Variants in RETREG1 observed in about 807,000 individuals in gnomAD.
RETREG1 encodes the protein family with sequence similarity 134 member B.
RETREG1 carries 44 observed loss-of-function variants against 54.8 expected under a neutral mutation model. The observed-to-expected ratio is 0.80, with a 90% confidence interval of 0.63 to 1.03. The LOEUF (loss-of-function observed/expected upper bound fraction) is 1.03. RETREG1 is among the 50% of genes least tolerant of loss of function. RETREG1 has a pLI of 0.00. For missense variants in RETREG1, 554 were observed against 605.1 expected (o/e 0.92, Z 0.89); for synonymous variants, 217 against 238.5 (o/e 0.91, Z 0.83).
At chr5:16,498,275 T>G (rs1222921660) in intron 3 of RETREG1, among the ~76,000 whole-genome samples, 1 of 152,234 alleles carries the variant, frequency 6.6e-6, no homozygotes, top group African/African-American at 2.4e-5. Flanking sequence ...GTACCGAGGC[T>G]ATAGGGTACA....
At chr5:16,586,287 G>T (rs1023809857) in intron 1 of RETREG1, among the ~76,000 whole-genome samples, 2 of 152,180 alleles carry the variant, frequency 1.3e-5, no homozygotes, top group Non-Finnish European at 2.9e-5. Context: ...CTTTGTGTCT[G>T]CCCAGTGGGA....
At chr5:16,611,146 C>T (rs2126376552) in intron 1 of RETREG1, among the ~76,000 whole-genome samples, 1 of 152,256 alleles carries the variant, frequency 6.6e-6, no homozygotes, top group Non-Finnish European at 1.5e-5. Flanking sequence ...AGGAAACTAT[C>T]ACAAGGACAA....
chr5:16,572,213 CTTTT>C (rs11338270), intron 1 of RETREG1, 111 bp from the exon 2 acceptor site: 644 of 560,914 alleles, frequency 1.1e-3, no homozygotes, highest in Middle Eastern at 1.9e-3. Flanking sequence ...AATGATTTCA[CTTTT>C]TTTTTTTTTT....
chr5:16,560,802 AC>A (rs1741833493), intron 3 of RETREG1, among the ~76,000 whole-genome samples: 1 of 152,246 alleles, frequency 6.6e-6, no homozygotes, highest in South Asian at 2.1e-4. Flanking sequence ...AAATATAAGC[AC>A]TATCTAGTGC....
At chr5:16,529,322 T>C (rs1223782937) in intron 3 of RETREG1, among the ~76,000 whole-genome samples, 1 of 152,212 alleles carries the variant, frequency 6.6e-6, no homozygotes, top group Non-Finnish European at 1.5e-5. Flanking sequence ...AAATAAGTTA[T>C]AGTTTATTTC....
intron 1 of RETREG1, among the ~76,000 whole-genome samples, chr5:16,606,926 C>A (rs1743205919): frequency 6.6e-6 from 1 of 152,136 alleles, no homozygotes; most frequent in South Asian, 2.1e-4. Context: ...GCTCACCCAG[C>A]CCCAGCCACA....
chr5:16,586,222 G>T (rs1184756506), intron 1 of RETREG1, among the ~76,000 whole-genome samples: 2 of 152,152 alleles, frequency 1.3e-5, no homozygotes, highest in African/African-American at 4.8e-5. Context: ...ATGGGCAGCT[G>T]GGTTTTTATG....
At chr5:16,549,514 T>C (rs1741474734) in intron 3 of RETREG1, among the ~76,000 whole-genome samples, 1 of 152,196 alleles carries the variant, frequency 6.6e-6, no homozygotes, top group African/African-American at 2.4e-5. Context: ...TTTGACCCCC[T>C]AGATCAGTTT....
chr5:16,569,295 T>C (rs1391500610), intron 2 of RETREG1, among the ~76,000 whole-genome samples: 1 of 151,394 alleles, frequency 6.6e-6, no homozygotes, highest in African/African-American at 2.4e-5. Context: ...TTCTTTTTTT[T>C]TTTTTTTTTT....
intron 1 of RETREG1, among the ~76,000 whole-genome samples, chr5:16,575,649 T>C (rs1742299219): frequency 6.6e-6 from 1 of 152,270 alleles, no homozygotes. Flanking sequence ...GATGTCTGTC[T>C]ATTCTGTCCT....
intron 1 of RETREG1, among the ~76,000 whole-genome samples, chr5:16,586,606 T>C (rs1742632790): frequency 6.6e-6 from 1 of 152,184 alleles, no homozygotes; most frequent in Admixed American, 6.5e-5. Flanking sequence ...ACCACTGGAC[T>C]GCGAAGGTGT....
intron 1 of RETREG1, among the ~76,000 whole-genome samples, chr5:16,582,911 C>G (rs541542025): frequency 6.6e-6 from 1 of 152,318 alleles, no homozygotes; most frequent in South Asian, 2.1e-4. Context: ...CTACATGGAT[C>G]ACTCGGACCC....
At position 16,481,076 on chromosome 5, in the gene RETREG1, A is replaced by G. The variant is rs16868675; in HGVS notation, c.603T>C (p.Cys201=). ...AGATCGTAAAAAATGTGCACACACT[A>G]CAGACCAGGAGACAAAACTGGAAAT... ...QSPGKFCLLV[C]SVCTFFTILG... is the part of the protein sequence containing the mutation. Residue 201 remains cysteine, a synonymous_variant, in exon 5 of 9, where the codon TGT becomes TGC. Transcript: ENST00000306320. The G allele has an allele frequency of 0.029, 45,984 of 1,610,944 alleles. 2,289 individuals are homozygous for G. Among genetic ancestry groups the G allele is most frequent in the African/African-American group, 0.23 (16,939 of 74,796 alleles).
At chr5:16,569,272 C>T (rs967921488) in intron 2 of RETREG1, among the ~76,000 whole-genome samples, 5 of 150,046 alleles carry the variant, frequency 3.3e-5, no homozygotes, top group Admixed American at 2.0e-4. Context: ...ACAGAGTAAT[C>T]ATTCCCATTT....
Position 16,583,121 on chromosome 5 carries a change from G to A in RETREG1, c.321-11019C>T, listed in dbSNP as rs138414889. 4.0e-3 allele frequency among the ~76,000 whole-genome samples: 615 copies of A among 152,258 alleles called. 3 individuals are homozygous for A. The highest frequency in any genetic ancestry group is 5.9e-3 in the Non-Finnish European group (398 of 68,022). On this transcript the variant is annotated intron_variant, in intron 1 of 8. Transcript: ENST00000306320. ...GCTGGGCTATGTGGACAATTTACAC[G>A]ATGAAAAATAAAGTGAAGGTACTCG... is the stretch of plus-strand genomic sequence containing the variant.
At position 16,512,907 on chromosome 5, in the gene RETREG1, TAGTGATTCCCAGAAACACCGAG is replaced by T. The variant is rs143589164; in HGVS notation, c.459-29457_459-29436del. 3.3e-3 allele frequency among the ~76,000 whole-genome samples: 510 copies of T among 152,250 alleles called. 4 individuals carry two copies. Among genetic ancestry groups the T allele is most frequent in the African/African-American group, 0.012 (479 of 41,544 alleles). On this transcript the variant is annotated intron_variant, in intron 3 of 8. Coordinates refer to ENST00000306320, the MANE Select transcript of RETREG1 (RefSeq NM_001034850.3). The stretch of plus-strand genomic sequence containing the variant: ...AGAAACGGGATTCAAAGTAGACCTC[TAGTGATTCCCAGAAACACCGAG>T]AGACCAAGCGAAGGTAACTGCCAGG...
intron 3 of RETREG1, among the ~76,000 whole-genome samples, chr5:16,504,620 A>AC (rs1353100726): frequency 6.6e-6 from 1 of 151,806 alleles, no homozygotes; most frequent in Non-Finnish European, 1.5e-5. Context: ...TGCTAAACAC[A>AC]CCCGGGGTAT....
chr5:16,539,204 G>A (rs1160931150), intron 3 of RETREG1, among the ~76,000 whole-genome samples: 1 of 152,210 alleles, frequency 6.6e-6, no homozygotes, highest in Non-Finnish European at 1.5e-5. Flanking sequence ...GGCCACCCGA[G>A]GGAGGAAGAA....
At chr5:16,603,311 GA>G (rs1436355014) in intron 1 of RETREG1, among the ~76,000 whole-genome samples, 1 of 152,094 alleles carries the variant, frequency 6.6e-6, no homozygotes, top group African/African-American at 2.4e-5. Flanking sequence ...TATATACCCA[GA>G]GTTTTAACAA....
Sources: allele counts gnomAD v4.1 joint callset (sites outside exome capture counted in the v4.1 genomes callset), GRCh38; gene constraint gnomAD v4.1.1; transcripts MANE v1.5; gene names NCBI Gene and HGNC (gene_info 2026-07-23, HGNC 2026-07-21).